The following GPC6 variants were observed in gnomAD, a reference collection of about 807,000 sequenced individuals.
GPC6 encodes the protein glypican-6.
Under a neutral mutation model 55.2 loss-of-function variants are expected in GPC6, and 14 were observed. The ratio of observed to expected loss-of-function variants is 0.25; its 90% CI spans 0.17 to 0.40. The LOEUF (loss-of-function observed/expected upper bound fraction) is 0.40. Ranked by LOEUF, GPC6 falls within the 10% of genes least tolerant of loss-of-function variation. The probability of loss-of-function intolerance (pLI) is 1.00; values close to 1 mark genes in which losing one functional copy is unlikely to be tolerated. For missense variants in GPC6, 641 were observed against 708.5 expected (o/e 0.90, Z 1.08); for synonymous variants, 278 against 259.6 (o/e 1.07, Z -0.68).
At chr13:94,010,521 G>A (rs1882202169) in intron 3 of GPC6, among the ~76,000 whole-genome samples, 1 of 152,060 alleles carries the variant, frequency 6.6e-6, no homozygotes, top group African/African-American at 2.4e-5. Context: ...ATTACCAAAG[G>A]ACTCTACGTA....
intron 2 of GPC6, among the ~76,000 whole-genome samples, chr13:93,824,357 G>C (rs1389748827): frequency 1.3e-5 from 2 of 152,218 alleles, no homozygotes; most frequent in African/African-American, 2.4e-5. Context: ...CAATGTGTGA[G>C]ACTCAAAAGT....
intron 4 of GPC6, among the ~76,000 whole-genome samples, chr13:94,173,497 T>C (rs977377426): frequency 6.6e-6 from 1 of 152,132 alleles, no homozygotes; most frequent in African/African-American, 2.4e-5. Context: ...AACCCTAAAA[T>C]ATTTGATTCT....
chr13:93,581,565 T>C (rs1192424510), intron 2 of GPC6, among the ~76,000 whole-genome samples: 1 of 152,032 alleles, frequency 6.6e-6, no homozygotes, highest in East Asian at 1.9e-4. Flanking sequence ...AAATGAGCTA[T>C]GCATGGTGGT....
intron 4 of GPC6, among the ~76,000 whole-genome samples, chr13:94,083,871 C>T (rs1277290809): frequency 1.3e-5 from 2 of 152,200 alleles, no homozygotes; most frequent in African/African-American, 2.4e-5. Flanking sequence ...TGTCTTTCTA[C>T]CAATCTTTGT....
chr13:93,473,975 T>G (rs184008188), intron 1 of GPC6, among the ~76,000 whole-genome samples: 1 of 152,276 alleles, frequency 6.6e-6, no homozygotes, highest in East Asian at 1.9e-4. Flanking sequence ...CACTGCTGCT[T>G]CTTCAGTTCC....
chr13:94,189,715 T>G (rs1889319946), intron 4 of GPC6, among the ~76,000 whole-genome samples: 1 of 152,070 alleles, frequency 6.6e-6, no homozygotes, highest in African/African-American at 2.4e-5. Flanking sequence ...TGATCCAACA[T>G]CTCTTCTCAT....
intron 2 of GPC6, among the ~76,000 whole-genome samples, chr13:93,738,239 A>T (rs1884069012): frequency 6.6e-6 from 1 of 152,144 alleles, no homozygotes; most frequent in South Asian, 2.1e-4. Flanking sequence ...TATTATCATT[A>T]TTATATTTTT....
At chr13:94,234,328 T>C (rs1890812884) in intron 4 of GPC6, among the ~76,000 whole-genome samples, 1 of 152,164 alleles carries the variant, frequency 6.6e-6, no homozygotes, top group Non-Finnish European at 1.5e-5. Context: ...ATTTTTATTG[T>C]ATCTGTTGTA....
intron 4 of GPC6, among the ~76,000 whole-genome samples, chr13:94,074,445 G>A (rs985448242): frequency 6.6e-6 from 1 of 152,166 alleles, no homozygotes; most frequent in Non-Finnish European, 1.5e-5. Flanking sequence ...AACCCCTTCT[G>A]CTAACTTACA....
chr13:94,010,448 T>C (rs1882199945), intron 3 of GPC6, among the ~76,000 whole-genome samples: 1 of 152,164 alleles, frequency 6.6e-6, no homozygotes, highest in Admixed American at 6.6e-5. Context: ...ATTAACTCTT[T>C]CAACTTGCAG....
intron 1 of GPC6, among the ~76,000 whole-genome samples, chr13:93,343,268 G>C (rs971303759): frequency 2.2e-4 from 33 of 152,102 alleles, no homozygotes; most frequent in African/African-American, 7.5e-4. Flanking sequence ...AGGAGATATA[G>C]TATATGGATC....
intron 2 of GPC6, among the ~76,000 whole-genome samples, chr13:93,810,325 TC>T (rs1274205263): frequency 2.0e-5 from 3 of 152,306 alleles, no homozygotes; most frequent in Non-Finnish European, 4.4e-5. Flanking sequence ...AATGGAGCTG[TC>T]CCCATTGTTG....
chr13:94,125,382 A>G (rs181091657), intron 4 of GPC6, among the ~76,000 whole-genome samples: 3 of 152,184 alleles, frequency 2.0e-5, no homozygotes, highest in Admixed American at 6.5e-5. Flanking sequence ...TGATCCTATG[A>G]AAGGTGCCAT....
At chr13:94,243,554 T>G (rs1250775037) in intron 4 of GPC6, among the ~76,000 whole-genome samples, 1 of 152,130 alleles carries the variant, frequency 6.6e-6, no homozygotes, top group Non-Finnish European at 1.5e-5. Context: ...ATCAAAACAG[T>G]TATACTCCTG....
At position 93,920,017 on chromosome 13, in the gene GPC6, A is replaced by G. The variant is rs190204491; in HGVS notation, c.711+89472A>G. Among the ~76,000 whole-genome samples, 5 of 152,122 alleles carry G rather than the reference A, an allele frequency of 3.3e-5. No homozygotes were observed. In the East Asian group the frequency reaches 7.8e-4, roughly 24 times the overall value. ...CCTCATCTCTCTCTACAGATTTTAC[A>G]ATCCAGCCTCTCCCATAATAATCTA... is the stretch of plus-strand genomic sequence containing the variant. On this transcript the variant is annotated intron_variant, in intron 3 of 8. Transcript: ENST00000377047.
chr13:93,661,857 T>C (rs1880935726), intron 2 of GPC6, among the ~76,000 whole-genome samples: 1 of 152,150 alleles, frequency 6.6e-6, no homozygotes, highest in South Asian at 2.1e-4. Context: ...ACAATTAAAA[T>C]AGGCTTTCAT....
chr13:94,269,217 A>G (rs1016125961), intron 4 of GPC6, among the ~76,000 whole-genome samples: 3 of 152,132 alleles, frequency 2.0e-5, no homozygotes, highest in East Asian at 1.9e-4. Flanking sequence ...TGATGAGCCT[A>G]TATATATCTA....
intron 1 of GPC6, among the ~76,000 whole-genome samples, chr13:93,514,941 G>A (rs1225221911): frequency 6.6e-6 from 1 of 152,168 alleles, no homozygotes; most frequent in Non-Finnish European, 1.5e-5. Flanking sequence ...CTGAATATTT[G>A]TGTGTCTCCC....
At chr13:93,955,119 T>G (rs1380447790) in intron 3 of GPC6, among the ~76,000 whole-genome samples, 2 of 152,070 alleles carry the variant, frequency 1.3e-5, no homozygotes, top group African/African-American at 2.4e-5. Flanking sequence ...GTCACACTTC[T>G]TTTTATCCCT....
Sources: allele counts gnomAD v4.1 joint callset (sites outside exome capture counted in the v4.1 genomes callset), GRCh38; gene constraint gnomAD v4.1.1; transcripts MANE v1.5; gene names NCBI Gene and HGNC (gene_info 2026-07-23, HGNC 2026-07-21).